XAB2: variants seen among roughly 807,000 people sequenced by gnomAD.
XAB2 encodes pre-mRNA-splicing factor SYF1.
Under a neutral mutation model 113.4 loss-of-function variants are expected in XAB2, and 57 were observed. The observed-to-expected ratio is 0.50, with a 90% CI of 0.41 to 0.63. The LOEUF (loss-of-function observed/expected upper bound fraction) is 0.63, where lower values mean the gene tolerates loss of function less well. Ranked by LOEUF, XAB2 falls within the 20% of genes least tolerant of loss-of-function variation. The pLI is 0.00. For missense variants in XAB2, 1,037 were observed against 1,233.3 expected (o/e 0.84, Z 2.38); for synonymous variants, 497 against 498.8 (o/e 1.00, Z 0.05).
In XAB2 at chr19:7,627,833, T is replaced by C. The variant is rs1326918726; in HGVS notation, c.219A>G (p.Arg73=). The C allele has an allele frequency of 1.2e-6, 2 of 1,613,838 alleles. No individual in the cohort carries two copies. Among genetic ancestry groups the C allele is most frequent in the Admixed American group, 3.3e-5 (2 of 60,010 alleles). The change falls in exon 3 of 19, where the codon CGA becomes CGG. Residue 73 remains arginine (R), a synonymous_variant. Transcript: ENST00000358368. The surrounding 1 kb of genome is among the most constrained non-coding windows in gnomAD (Gnocchi z 4.5). The stretch of plus-strand genomic sequence containing the variant: ...CCTGTGCCCGACGCGCCTTCAGGTA[T>C]CGGTACCAGAGTTTGTAGCTGGGGA... ...LLPCSYKLWY[R]YLKARRAQVK... is the part of the protein sequence containing the mutation.
In XAB2 at chr19:7,628,212, C is replaced by T. The variant is rs752983165; in HGVS notation, c.138G>A (p.Gln46=). 6.2e-6 allele frequency: 10 copies of T among 1,614,012 alleles called. No individual in the cohort carries two copies. Among genetic ancestry groups the T allele is most frequent in the Non-Finnish European group, 8.5e-6 (10 of 1,180,050 alleles). The change falls in exon 2 of 19, where the codon CAG becomes CAA. Residue 46 remains glutamine, a synonymous_variant. Transcript: ENST00000358368. The surrounding 1 kb of genome is among the most constrained non-coding windows in gnomAD (Gnocchi z 4.6). The part of the protein sequence containing the change: ...KCWLRYIEFK[Q]GAPKPRLNQL... Reference sequence around the variant, plus strand: ...GATTGAGCCTGGGCTTCGGGGCGCCCTGTTTGAACTCGATGTAGCGAAGCC... The same window carrying T: ...GATTGAGCCTGGGCTTCGGGGCGCCTTGTTTGAACTCGATGTAGCGAAGCC...
rs980240336 is a variant in XAB2 at position 7,628,012 on chromosome 19, T to C, written c.200+138A>G. On this transcript the variant is annotated intron_variant, in intron 2 of 18. Transcript: ENST00000358368. The surrounding 1 kb of genome is among the most constrained non-coding windows in gnomAD (Gnocchi z 4.6). Reference sequence around the variant, plus strand: ...GACTGGGACATCAGAGAAGGTGTGCTGACCCATCAAGGGATGTACAGGTCA... The same window carrying C: ...GACTGGGACATCAGAGAAGGTGTGCCGACCCATCAAGGGATGTACAGGTCA... The C allele has an allele frequency of 1.5e-5, 22 of 1,460,026 alleles. No individual in the cohort carries two copies. The highest frequency in any genetic ancestry group is 2.4e-4 in the Middle Eastern group (1 of 4,234). 90.4% of individuals were successfully genotyped at this position (1,460,026 alleles called of 1,614,324 possible). A position where few individuals can be genotyped will look rare whatever the true frequency, so the allele number is the denominator to read the frequency against.
In XAB2 at chr19:7,625,363, C is replaced by T. The variant is rs1568454856; in HGVS notation, c.822+517G>A. On this transcript the variant is annotated intron_variant, in intron 6 of 18. Coordinates refer to ENST00000358368, the MANE Select transcript of XAB2 (RefSeq NM_020196.3). The surrounding 1 kb of genome is among the most constrained non-coding windows in gnomAD (Gnocchi z 5.2). ...GCAGAGCCAGAGGGTGAACCCTGAA[C>T]GCAAATGTGGCTGACTCCAAGGCTG... Among the ~76,000 whole-genome samples the T allele has an allele frequency of 2.0e-5, 3 of 152,140 alleles. No individual in the cohort carries two copies. The highest frequency in any genetic ancestry group is 4.8e-5 in the African/African-American group (2 of 41,424).
In XAB2 at chr19:7,622,615, G is replaced by A. The variant is rs1382787666; in HGVS notation, c.1418C>T (p.Ser473Leu). 1 of 1,612,540 alleles carries A rather than the reference G, an allele frequency of 6.2e-7. No individual in the cohort carries two copies. Among genetic ancestry groups the A allele is most frequent in the Admixed American group, 1.7e-5 (1 of 60,036 alleles). ...GTACACGCGGTTCTGCACGGGCTCT[G>A]AACCATCAAAGTACTCGGCCCGGCG... Reference protein sequence around the residue: ...PARRAEYFDGSEPVQNRVYKS... With the variant: ...PARRAEYFDGLEPVQNRVYKS... Residue 473 changes from serine to leucine, a missense_variant, in exon 11 of 19, where the codon TCA (serine) becomes TTA (leucine). Ser to Leu is a moderately radical substitution (Grantham distance 145). Coordinates refer to ENST00000358368, the MANE Select transcript of XAB2 (RefSeq NM_020196.3).
At chr19:7,621,535 TAGG>T (rs1383597721) in intron 12 of XAB2, 3 of 523,796 alleles carry the variant, frequency 5.7e-6, no homozygotes, top group Non-Finnish European at 1.0e-5. Context: ...TCTGGCCCCA[TAGG>T]AGGTGACATG....
In XAB2 at chr19:7,626,124, C is replaced by T. The variant is rs768719462; in HGVS notation, c.657+12G>A. On this transcript the variant is annotated intron_variant, in intron 5 of 18. Transcript: ENST00000358368. ...GCCCTCCCACCCAGTTGCCGGCTCC[C>T]GGCAGGCCCACCTGGTAGTTGGACT... The T allele has an allele frequency of 3.0e-5, 48 of 1,613,128 alleles. No individual in the cohort carries two copies. Among genetic ancestry groups the T allele is most frequent in the Admixed American group, 1.2e-4 (7 of 59,988 alleles).
chr19:7,619,593 T>G lies in XAB2; in HGVS notation c.2561A>C (p.Glu854Ala). ...GGATGGGGGAGGGACGGGTCAGTCT[T>G]CCTTCAGGCTCCCAAACACTGCGGC... ...VPAAVFGSLKED is the reference protein window; with the variant it reads ...VPAAVFGSLKAD Residue 854 changes from glutamate to alanine, a missense_variant, in exon 19 of 19, where the codon GAA (glutamate) becomes GCA (alanine). Coordinates refer to ENST00000358368, the MANE Select transcript of XAB2 (RefSeq NM_020196.3). 1 of 1,594,858 alleles carries G rather than the reference T, an allele frequency of 6.3e-7. No individual in the cohort carries two copies. The highest frequency in any genetic ancestry group is 1.1e-5 in the South Asian group (1 of 87,832).
At position 7,628,605 on chromosome 19, in the gene XAB2, C is replaced by T. The variant is rs1445359637; in HGVS notation, c.52-307G>A. ...CCACTCGCTTTCTGCCCCAGATGGT[C>T]AGACTCCTTAGATACCAAGGCCCTG... On this transcript the variant is annotated intron_variant, in intron 1 of 18. Coordinates refer to ENST00000358368, the MANE Select transcript of XAB2 (RefSeq NM_020196.3). The surrounding 1 kb of genome is among the most constrained non-coding windows in gnomAD (Gnocchi z 4.6). Among the ~76,000 whole-genome samples the T allele has an allele frequency of 6.6e-6, 1 of 152,144 alleles. No individual in the cohort carries two copies. Among genetic ancestry groups the T allele is most frequent in the Non-Finnish European group, 1.5e-5 (1 of 68,034 alleles).
Position 7,624,175 on chromosome 19 carries a change from T to G in XAB2, c.967+126A>C. On this transcript the variant is annotated intron_variant, in intron 7 of 18. Transcript: ENST00000358368. This position sits in a 1 kb window ranked among gnomAD's most constrained non-coding sequence, Gnocchi z 4.2. ...AGACCCCCACACCCCCTGCATCCACTCAGCCTCCTTCCCTGCTGGCCCCCA... is the reference window on the plus strand; with the variant it reads ...AGACCCCCACACCCCCTGCATCCACGCAGCCTCCTTCCCTGCTGGCCCCCA... The G allele has an allele frequency of 2.7e-6, 4 of 1,468,816 alleles. No individual in the cohort carries two copies. Among genetic ancestry groups the G allele is most frequent in the Non-Finnish European group, 3.7e-6 (4 of 1,081,892 alleles). 91.0% of individuals were successfully genotyped at this position (1,468,816 alleles called of 1,614,324 possible). A position where few individuals can be genotyped will look rare whatever the true frequency, so the allele number is the denominator to read the frequency against.
At position 7,627,574 on chromosome 19, in the gene XAB2, C is replaced by A; in HGVS notation, c.325-134G>T. On this transcript the variant is annotated intron_variant, in intron 3 of 18. Coordinates refer to ENST00000358368, the MANE Select transcript of XAB2 (RefSeq NM_020196.3). The surrounding 1 kb of genome is among the most constrained non-coding windows in gnomAD (Gnocchi z 4.5). ...CGGCGGGACCCAGAAACCCCCAGCT[C>A]CAGGACTGAGTCCAGCCCAACTTCC... 6.6e-7 allele frequency: 1 copy of A among 1,510,988 alleles called. No homozygotes were observed. Among genetic ancestry groups the A allele is most frequent in the Non-Finnish European group, 9.0e-7 (1 of 1,113,178 alleles). The allele number at this position is 1,510,988 out of a possible 1,614,324, so 93.6% of individuals were successfully genotyped here. A position where few individuals can be genotyped will look rare whatever the true frequency, so the allele number is the denominator to read the frequency against.
intron 16 of XAB2, 94 bp from the exon 17 acceptor site, chr19:7,620,169 T>C: frequency 6.3e-7 from 1 of 1,593,782 alleles, no homozygotes; most frequent in Non-Finnish European, 8.5e-7. Context: ...GGCCCAGCCC[T>C]CAAGGAGATT....
At position 7,628,254 on chromosome 19, in the gene XAB2, T is replaced by C. The variant is rs1323090408; in HGVS notation, c.96A>G (p.Gln32=). Reference sequence around the variant, plus strand: ...AGCGAAGCCAGCATTTGACAGAGAATTGGTTCCGCATGATTTCCTCCTCAT... The same window carrying C: ...AGCGAAGCCAGCATTTGACAGAGAACTGGTTCCGCATGATTTCCTCCTCAT... ...LPYEEEIMRN[Q]FSVKCWLRYI... is the part of the protein sequence containing the mutation. Residue 32 remains glutamine (Q), a synonymous_variant, in exon 2 of 19, where the codon CAA becomes CAG. Transcript: ENST00000358368. This position sits in a 1 kb window ranked among gnomAD's most constrained non-coding sequence, Gnocchi z 4.6. 1 of 1,614,106 alleles carries C rather than the reference T, an allele frequency of 6.2e-7. No individual in the cohort carries two copies. Among genetic ancestry groups the C allele is most frequent in the Non-Finnish European group, 8.5e-7 (1 of 1,180,020 alleles).
rs754469823 is a variant in XAB2 at position 7,623,891 on chromosome 19, C to T, written c.968-9G>A. On this transcript the variant is annotated splice_polypyrimidine_tract_variant and intron_variant, in intron 7 of 18. Coordinates refer to ENST00000358368, the MANE Select transcript of XAB2 (RefSeq NM_020196.3). This position sits in a 1 kb window ranked among gnomAD's most constrained non-coding sequence, Gnocchi z 4.6. ...CTCCAGGTCCACATCATCTGGGAGC[C>T]GCGAACATGTTTGTCAGGGGCGGAG... 1 of 1,556,150 alleles carries T rather than the reference C, an allele frequency of 6.4e-7. No homozygotes were observed. The highest frequency in any genetic ancestry group is 1.2e-5 in the South Asian group (1 of 86,254).
At position 7,627,226 on chromosome 19, in the gene XAB2, G is replaced by C; in HGVS notation, c.522+17C>G. The C allele has an allele frequency of 6.2e-7, 1 of 1,609,538 alleles. No individual in the cohort carries two copies. The highest frequency in any genetic ancestry group is 1.1e-5 in the South Asian group (1 of 91,054). On this transcript the variant is annotated intron_variant, in intron 4 of 18. Coordinates refer to ENST00000358368, the MANE Select transcript of XAB2 (RefSeq NM_020196.3). This position sits in a 1 kb window ranked among gnomAD's most constrained non-coding sequence, Gnocchi z 4.5. Reference sequence around the variant, plus strand: ...CTGGAAACTAACCTGGGGAACCAGCGCACCTGCTAGGCTCACCTTGAGGAA... The same window carrying C: ...CTGGAAACTAACCTGGGGAACCAGCCCACCTGCTAGGCTCACCTTGAGGAA...
rs1248404545 is a variant in XAB2 at position 7,629,512 on chromosome 19, G to C, written c.16C>G (p.Arg6Gly). 3.7e-6 allele frequency: 6 copies of C among 1,605,140 alleles called. No individual in the cohort carries two copies. In the South Asian group the frequency reaches 4.5e-5, roughly 12 times the overall value. Residue 6 changes from arginine (R) to glycine (G), a missense_variant, in exon 1 of 19, where the codon CGA becomes GGA. Coordinates refer to ENST00000358368, the MANE Select transcript of XAB2 (RefSeq NM_020196.3). ...TCCGGCCGCTCGGGCCGCGAGAGTC[G>C]CGCCATCACCACCATTTTTCTGGAT... MVVMARLSRPERPDLV... is the reference protein window; with the variant it reads MVVMAGLSRPERPDLV...
chr19:7,620,790 C>G, intron 14 of XAB2, 56 bp downstream of exon 14: 1 of 1,563,844 alleles, frequency 6.4e-7, no homozygotes, highest in Non-Finnish European at 8.7e-7. Flanking sequence ...CCTGCCTGGA[C>G]CCCTTCCGTC....
chr19:7,626,090 G>A, intron 5 of XAB2, 46 bp from the exon 6 acceptor site: 2 of 1,611,970 alleles, frequency 1.2e-6, no homozygotes, highest in African/African-American at 2.7e-5. Context: ...CTCAGTCATG[G>A]AGGGGGTGGC....
At position 7,625,130 on chromosome 19, in the gene XAB2, T is replaced by A. The variant is rs1465028967; in HGVS notation, c.823-685A>T. Among the ~76,000 whole-genome samples, 3 of 152,068 alleles carry A rather than the reference T, an allele frequency of 2.0e-5. No homozygotes were observed. Among genetic ancestry groups the A allele is most frequent in the Non-Finnish European group, 4.4e-5 (3 of 68,016 alleles). On this transcript the variant is annotated intron_variant, in intron 6 of 18. Coordinates refer to ENST00000358368, the MANE Select transcript of XAB2 (RefSeq NM_020196.3). This position sits in a 1 kb window ranked among gnomAD's most constrained non-coding sequence, Gnocchi z 5.2. Reference sequence around the variant, plus strand: ...CTCCCCGCTCTCGGCTCTGGCCCCCTCTGCACCCACCTGCCCCCAGGCCAT... The same window carrying A: ...CTCCCCGCTCTCGGCTCTGGCCCCCACTGCACCCACCTGCCCCCAGGCCAT...
rs867863391 is a variant in XAB2 at position 7,629,031 on chromosome 19, T to C, written c.51+446A>G. Among the ~76,000 whole-genome samples the C allele has an allele frequency of 1.6e-4, 24 of 152,284 alleles. No homozygotes were observed. In the Middle Eastern group the frequency reaches 0.01, roughly 65 times the overall value. ...CCACATCACCAGGGTTCTTCTAGCC[T>C]GGCCACCACCCCAGAAACTGTCATG... On this transcript the variant is annotated intron_variant, in intron 1 of 18. Coordinates refer to ENST00000358368, the MANE Select transcript of XAB2 (RefSeq NM_020196.3).
Sources: gnomAD v4.1 joint callset for allele counts (sites outside exome capture counted in the v4.1 genomes callset) on GRCh38, gnomAD v4.1.1 for gene constraint, Gnocchi (gnomAD v3.1) non-coding constraint, MANE v1.5 for transcripts, NCBI Gene and HGNC (gene_info 2026-07-23, HGNC 2026-07-21) for gene names.